ZNF600: variants seen among roughly 807,000 people sequenced by gnomAD.
The protein encoded by ZNF600 is zinc finger protein 600.
A neutral mutation model predicts 7.3 loss-of-function variants in ZNF600; 4 were observed. The ratio of observed to expected loss-of-function variants is 0.55; its 90% CI spans 0.27 to 1.25. The LOEUF is 1.25. Among genes scored for constraint, ZNF600 ranks in the 50% most tolerant of loss-of-function variants. The pLI is 0.12. For synonymous variants in ZNF600, 290 were observed against 308.9 expected, an observed-to-expected ratio of 0.94 and a Z score of 0.64; for missense variants, 911 against 922.1, an observed-to-expected ratio of 0.99 and a Z score of 0.16.
chr19:52,777,568 A>G (rs568736279), intron 2 of ZNF600, among the ~76,000 whole-genome samples: 5 of 152,294 alleles, frequency 3.3e-5, no homozygotes, highest in African/African-American at 4.8e-5. Context: ...ACAGTGGTGC[A>G]CACCTTTAAT....
At chr19:52,830,530 C>A in the ZNF600 span, among the ~76,000 whole-genome samples, 1 of 151,220 alleles carries the variant, frequency 6.6e-6, no homozygotes, top group Non-Finnish European at 1.5e-5. Flanking sequence ...AAGGGGGATA[C>A]AAGGACTGAG....
At chr19:52,823,080 A>C in the ZNF600 span, among the ~76,000 whole-genome samples, 3 of 152,186 alleles carry the variant, frequency 2.0e-5, no homozygotes. Flanking sequence ...GATACACTTC[A>C]AGGAAGGTTA....
chr19:52,764,350 AAAGG>A (rs2062551877), downstream of ZNF600: 1 of 151,944 alleles, frequency 6.6e-6, no homozygotes, highest in Non-Finnish European at 1.5e-5. Flanking sequence ...AGCTGGAACT[AAAGG>A]TGCACACCAC....
the ZNF600 span, among the ~76,000 whole-genome samples, chr19:52,823,372 CCT>C: frequency 6.6e-6 from 1 of 152,042 alleles, no homozygotes; most frequent in Non-Finnish European, 1.5e-5. Flanking sequence ...CGCCACCATG[CCT>C]GGCTAATGCT....
rs753879909 is a variant in ZNF600 at position 52,766,868 on chromosome 19, A to G, written c.1095T>C (p.His365=). 1.9e-5 allele frequency: 30 copies of G among 1,614,094 alleles called. No homozygotes were observed. The African/African-American group carries it at 3.3e-4, about 18-fold the overall frequency. The change falls in exon 4 of 4, where the codon CAT becomes CAC. Residue 365 remains histidine, a synonymous_variant. Coordinates refer to ENST00000648973, the Ensembl canonical transcript of ZNF600. ...CACATTTGTAAGGTTTCTCTCCAGT[A>G]TGAATTCTACGATGACGTGCAAGGT...
chr19:52,810,647 G>C, the ZNF600 span: 1 of 1,252,428 alleles, frequency 8.0e-7, no homozygotes, highest in Non-Finnish European at 1.2e-6. Context: ...TTTAACAGCA[G>C]GCTCTGGGGT....
intron 3 of ZNF600, among the ~76,000 whole-genome samples, chr19:52,772,648 T>C (rs1384729113): frequency 6.6e-6 from 1 of 151,930 alleles, no homozygotes; most frequent in Non-Finnish European, 1.5e-5. Context: ...TGGAGGCAAA[T>C]TAACATTATT....
chr19:52,829,006 G>A, the ZNF600 span, among the ~76,000 whole-genome samples: 7 of 151,872 alleles, frequency 4.6e-5, no homozygotes, highest in African/African-American at 9.7e-5. Context: ...GAACACAGGC[G>A]CCTGCCACCA....
At chr19:52,774,446 CA>C in intron 3 of ZNF600, 128 bp downstream of exon 5, 1 of 891,856 alleles carries the variant, frequency 1.1e-6, no homozygotes, top group Non-Finnish European at 1.3e-6. Flanking sequence ...AAAAACAAAA[CA>C]AAAAAACAAC....
At chr19:52,800,781 T>C in the ZNF600 span, 10 of 1,614,178 alleles carry the variant, frequency 6.2e-6, no homozygotes, top group Admixed American at 1.7e-4. Flanking sequence ...ATTACACTTG[T>C]AAGGTTTCTC....
chr19:52,771,952 A>G (rs532601393), intron 3 of ZNF600, among the ~76,000 whole-genome samples: 3,073 of 151,612 alleles, frequency 0.02, 117 homozygotes, highest in African/African-American at 0.069. Context: ...AAAGAGTGAG[A>G]TAGGAAAAGA....
chr19:52,786,119 C>T (rs2062761329), intron 1 of ZNF600, among the ~76,000 whole-genome samples: 1 of 152,070 alleles, frequency 6.6e-6, no homozygotes, highest in Non-Finnish European at 1.5e-5. Context: ...TGGAGTAAGA[C>T]GCCTGCATCC....
the ZNF600 span, among the ~76,000 whole-genome samples, chr19:52,822,180 C>T: frequency 2.1e-5 from 3 of 142,656 alleles, no homozygotes; most frequent in African/African-American, 7.9e-5. Flanking sequence ...TGAAGCGATT[C>T]TTCTGCCTCA....
chr19:52,785,118 CTT>C (rs1241586042), intron 1 of ZNF600, among the ~76,000 whole-genome samples: 2 of 151,948 alleles, frequency 1.3e-5, no homozygotes, highest in Non-Finnish European at 2.9e-5. Context: ...CTCTTGTTTT[CTT>C]TTCTTTTTCC....
chr19:52,800,485 G>C, the ZNF600 span: 1 of 1,613,652 alleles, frequency 6.2e-7, no homozygotes, highest in South Asian at 1.1e-5. Flanking sequence ...TGGCGTGCAA[G>C]AGTTGATTGT....
exon 4 of ZNF600, chr19:52,767,739 A>G (rs2062600036): frequency 1.9e-6 from 3 of 1,587,946 alleles, no homozygotes; most frequent in Non-Finnish European, 1.7e-6. Flanking sequence ...CCCTGTTGAC[A>G]AGACCTCCTT....
At chr19:52,817,246 C>A in the ZNF600 span, among the ~76,000 whole-genome samples, 1 of 152,086 alleles carries the variant, frequency 6.6e-6, no homozygotes, top group African/African-American at 2.4e-5. Flanking sequence ...GTGGCGCATG[C>A]TTGTAATGCC....
chr19:52,773,358 G>C (rs1158217861), intron 3 of ZNF600, among the ~76,000 whole-genome samples: 1 of 152,220 alleles, frequency 6.6e-6, no homozygotes, highest in Non-Finnish European at 1.5e-5. Flanking sequence ...AAAAGCAGCA[G>C]TATGGTGGCC....
At chr19:52,774,774 G>A in intron 2 of ZNF600, 73 bp from the exon 5 acceptor site, 1 of 985,226 alleles carries the variant, frequency 1.0e-6, no homozygotes, top group South Asian at 4.7e-5. Context: ...AATGAGAAAA[G>A]AGAAAATAAG....
Sources: gnomAD v4.1 joint callset for allele counts (sites outside exome capture counted in the v4.1 genomes callset) on GRCh38, gnomAD v4.1.1 for gene constraint, MANE v1.5 for transcripts, NCBI Gene and HGNC (gene_info 2026-07-23, HGNC 2026-07-21) for gene names.